Variants in STK33 observed in about 807,000 individuals in gnomAD.
STK33 encodes the protein serine/threonine-protein kinase 33.
In STK33, 52 loss-of-function variants were observed where a neutral mutation model predicts 58.0. The ratio of observed to expected loss-of-function variants is 0.90; its 90% CI spans 0.72 to 1.13. The LOEUF is 1.13. Ranked by LOEUF, STK33 falls within the 50% of genes most tolerant of loss-of-function variation. The pLI is 0.00. For missense variants in STK33, 630 were observed against 604.2 expected (o/e 1.04, Z -0.45); for synonymous variants, 215 against 200.1 (o/e 1.07, Z -0.63).
intron 1 of STK33, among the ~76,000 whole-genome samples, chr11:8,554,706 A>G (rs969626482): frequency 1.3e-5 from 2 of 152,144 alleles, no homozygotes; most frequent in Non-Finnish European, 1.5e-5. Flanking sequence ...AGATTCCTCA[A>G]AAAAACTAAA....
chr11:8,562,042 G>A (rs1957148332), intron 1 of STK33, among the ~76,000 whole-genome samples: 1 of 152,104 alleles, frequency 6.6e-6, no homozygotes, highest in Admixed American at 6.6e-5. Context: ...GGATTGCCTT[G>A]CTTTCCTTAA....
chr11:8,343,413 C>A, the STK33 span, among the ~76,000 whole-genome samples: 1 of 152,208 alleles, frequency 6.6e-6, no homozygotes, highest in East Asian at 1.9e-4. Flanking sequence ...GCAGCAAATT[C>A]CTGGCACGAT....
chr11:8,575,266 T>C (rs1180208616), intron 1 of STK33, among the ~76,000 whole-genome samples: 1 of 152,156 alleles, frequency 6.6e-6, no homozygotes, highest in African/African-American at 2.4e-5. Flanking sequence ...GCAAAGGAAC[T>C]GAAAGCAGGG....
chr11:8,484,501 G>A (rs1332005059), intron 1 of STK33, among the ~76,000 whole-genome samples: 1 of 152,192 alleles, frequency 6.6e-6, no homozygotes, highest in African/African-American at 2.4e-5. Flanking sequence ...CAGCTGAGCT[G>A]TAGTGGGAAT....
chr11:8,461,104 A>G (rs1389190297), intron 8 of STK33, among the ~76,000 whole-genome samples: 1 of 152,240 alleles, frequency 6.6e-6, no homozygotes, highest in Non-Finnish European at 1.5e-5. Context: ...GGCAAGCTGA[A>G]TAACTTGTCC....
intron 15 of STK33, among the ~76,000 whole-genome samples, chr11:8,404,231 A>G (rs1393855574): frequency 2.0e-5 from 3 of 152,238 alleles, no homozygotes; most frequent in Non-Finnish European, 2.9e-5. Flanking sequence ...GTCAACAGAA[A>G]TGAAATCTAA....
chr11:8,585,263 C>T (rs2031328622), intron 1 of STK33, among the ~76,000 whole-genome samples: 1 of 124,438 alleles, frequency 8.0e-6, no homozygotes, highest in Non-Finnish European at 1.6e-5. Context: ...CTCACTCTGT[C>T]ACCCAGGCTG....
At chr11:8,388,818 G>A (rs749171663), downstream of STK33, among the ~76,000 whole-genome samples, 2 of 152,196 alleles carry the variant, frequency 1.3e-5, no homozygotes, top group African/African-American at 4.8e-5. Flanking sequence ...TTTCAGGTTC[G>A]GTATCGGGCA....
At chr11:8,435,965 C>G in intron 13 of STK33, 62 bp downstream of exon 13, 1 of 989,938 alleles carries the variant, frequency 1.0e-6, no homozygotes, top group Non-Finnish European at 1.4e-6. Flanking sequence ...ATTTTAACCA[C>G]AGGCCAACTT....
At chr11:8,584,384 T>C (rs928365544) in intron 1 of STK33, among the ~76,000 whole-genome samples, 2 of 152,190 alleles carry the variant, frequency 1.3e-5, no homozygotes, top group Non-Finnish European at 1.5e-5. Flanking sequence ...GCCTGGACTG[T>C]GTCTTGAGAG....
At chr11:8,561,853 T>C (rs1009684397) in intron 1 of STK33, among the ~76,000 whole-genome samples, 2 of 152,210 alleles carry the variant, frequency 1.3e-5, no homozygotes, top group African/African-American at 2.4e-5. Flanking sequence ...AACCACAGAC[T>C]TGAACGCCAC....
At chr11:8,416,834 T>C (rs554432801) in intron 14 of STK33, among the ~76,000 whole-genome samples, 8 of 152,294 alleles carry the variant, frequency 5.3e-5, no homozygotes, top group African/African-American at 1.9e-4. Context: ...TTGCCTCCTA[T>C]ACTCACTTGT....
At chr11:8,541,192 G>A (rs1371238950) in intron 1 of STK33, among the ~76,000 whole-genome samples, 2 of 152,054 alleles carry the variant, frequency 1.3e-5, no homozygotes, top group African/African-American at 4.8e-5. Flanking sequence ...CTTGAGAAAT[G>A]TGTATATTTC....
In STK33 at chr11:8,490,285, G is replaced by C. The variant is rs539760898; in HGVS notation, c.-465-9671C>G. Among the ~76,000 whole-genome samples the C allele has an allele frequency of 7.2e-5, 11 of 152,366 alleles. No homozygotes were observed. In the South Asian group the frequency reaches 1.0e-3, roughly 14 times the overall value. ...ATTATATCCCCTGCATGGCTGGATA[G>C]GTCCTACGCCTATGGAGCCTTGCTC... On this transcript the variant is annotated intron_variant, in intron 1 of 15. Coordinates refer to ENST00000687296, the MANE Select transcript of STK33 (RefSeq NM_001352389.2).
intron 1 of STK33, among the ~76,000 whole-genome samples, chr11:8,537,509 G>A (rs1955128723): frequency 6.6e-6 from 1 of 152,056 alleles, no homozygotes; most frequent in Non-Finnish European, 1.5e-5. Context: ...CTCAATATTG[G>A]TGTCTGTTAC....
intron 1 of STK33, among the ~76,000 whole-genome samples, chr11:8,544,713 G>C (rs956776741): frequency 1.3e-5 from 2 of 152,018 alleles, no homozygotes; most frequent in African/African-American, 4.8e-5. Flanking sequence ...TACCATTTAT[G>C]CATGGGGGAA....
chr11:8,358,442 G>T, the STK33 span, among the ~76,000 whole-genome samples: 1 of 152,246 alleles, frequency 6.6e-6, no homozygotes, highest in East Asian at 1.9e-4. Context: ...TGCCAGCCAA[G>T]GGCAGGGGCT....
the STK33 span, among the ~76,000 whole-genome samples, chr11:8,372,365 T>G: frequency 5.9e-5 from 9 of 152,236 alleles, no homozygotes; most frequent in East Asian, 1.7e-3. Context: ...GATCCCATGT[T>G]TCTACCTGGC....
intron 1 of STK33, among the ~76,000 whole-genome samples, chr11:8,520,194 C>T (rs796679909): frequency 6.6e-6 from 1 of 151,712 alleles, no homozygotes; most frequent in Non-Finnish European, 1.5e-5. Context: ...TCAACATATG[C>T]AAATCAATAA....
Sources: allele counts gnomAD v4.1 joint callset (sites outside exome capture counted in the v4.1 genomes callset), GRCh38; gene constraint gnomAD v4.1.1; transcripts MANE v1.5; gene names NCBI Gene and HGNC (gene_info 2026-07-23, HGNC 2026-07-21).